KCNH8: variants seen among roughly 807,000 people sequenced by gnomAD.
The protein encoded by KCNH8 is voltage-gated delayed rectifier potassium channel KCNH8.
KCNH8 carries 70 observed loss-of-function variants against 103.6 expected under a neutral mutation model. That is an observed-to-expected ratio of 0.68 (90% CI 0.56 to 0.82). The LOEUF (loss-of-function observed/expected upper bound fraction) is 0.82, where lower values mean the gene tolerates loss of function less well. Ranked by LOEUF, KCNH8 falls within the 40% of genes least tolerant of loss-of-function variation. The probability of loss-of-function intolerance (pLI) is 0.00; values close to 1 mark genes in which losing one functional copy is unlikely to be tolerated. For synonymous variants in KCNH8, 498 were observed against 489.4 expected (o/e 1.02, Z -0.23); for missense variants, 1,217 against 1,329.9 (o/e 0.92, Z 1.32).
intron 3 of KCNH8, among the ~76,000 whole-genome samples, chr3:19,295,416 A>AAAT (rs1038196700): frequency 2.0e-5 from 3 of 150,160 alleles, no homozygotes; most frequent in Non-Finnish European, 4.5e-5. Flanking sequence ...ATAAATAAAT[A>AAAT]AATAAATAAG....
At chr3:19,428,463 A>G (rs1236186909) in intron 7 of KCNH8, among the ~76,000 whole-genome samples, 1 of 152,226 alleles carries the variant, frequency 6.6e-6, no homozygotes, top group Non-Finnish European at 1.5e-5. Flanking sequence ...GAATTAATAT[A>G]TAGGTTTTCA....
In KCNH8 at chr3:19,371,769, A is replaced by G. The variant is rs1162123361; in HGVS notation, c.812-18712A>G. On this transcript the variant is annotated intron_variant, in intron 5 of 15. Coordinates refer to ENST00000328405, the MANE Select transcript of KCNH8 (RefSeq NM_144633.3). ...GTCTAACGTTTAAAGTCTTTAATCCATGTTGAATTGATTTTTGTATAAGAT... is the reference window on the plus strand; with the variant it reads ...GTCTAACGTTTAAAGTCTTTAATCCGTGTTGAATTGATTTTTGTATAAGAT... Among the ~76,000 whole-genome samples, 9 of 151,046 alleles carry G rather than the reference A, an allele frequency of 6.0e-5. No individual in the cohort carries two copies. The East Asian group carries it at 1.2e-3, about 19-fold the overall frequency.
chr3:19,240,102 A>G (rs951865684), intron 1 of KCNH8, among the ~76,000 whole-genome samples: 1 of 152,120 alleles, frequency 6.6e-6, no homozygotes, highest in Non-Finnish European at 1.5e-5. Context: ...AGTTTCATCT[A>G]ATTTCATGAG....
intron 3 of KCNH8, among the ~76,000 whole-genome samples, chr3:19,296,703 G>A (rs958719827): frequency 4.6e-5 from 7 of 152,092 alleles, no homozygotes; most frequent in African/African-American, 1.7e-4. Flanking sequence ...GGAAAGGGTG[G>A]GAAGAGAGTG....
intron 5 of KCNH8, among the ~76,000 whole-genome samples, chr3:19,352,365 G>C (rs1200833834): frequency 6.6e-6 from 1 of 152,096 alleles, no homozygotes; most frequent in Non-Finnish European, 1.5e-5. Context: ...ATTGAACTCA[G>C]CTCTGCACCA....
intron 11 of KCNH8, among the ~76,000 whole-genome samples, chr3:19,461,322 G>C (rs766065009): frequency 1.6e-4 from 24 of 152,194 alleles, no homozygotes; most frequent in African/African-American, 5.8e-4. Context: ...GATAAGTTTG[G>C]ACCTCTGTTT....
intron 5 of KCNH8, among the ~76,000 whole-genome samples, chr3:19,360,533 A>G (rs1293961741): frequency 6.6e-6 from 1 of 152,094 alleles, no homozygotes; most frequent in African/African-American, 2.4e-5. Context: ...ACTGTGGCCA[A>G]CAGAGCCTAA....
Position 19,533,878 on chromosome 3 carries a change from T to G in KCNH8, c.3103T>G (p.Cys1035Gly), listed in dbSNP as rs1489248255. The G allele has an allele frequency of 2.5e-6, 4 of 1,614,204 alleles. No homozygotes were observed. Among genetic ancestry groups the G allele is most frequent in the Non-Finnish European group, 1.7e-6 (2 of 1,180,022 alleles). ...TTCAGCAACTCTCTCATCTTCTGTC[T>G]GCTCCTCTTCGGAAACATCTTTGCA... ...SISATLSSSV[C>G]SSSETSLHLV... The change falls in exon 16 of 16, where the codon TGC becomes GGC. Residue 1035 changes from cysteine (C) to glycine (G), a missense_variant. Around this residue, in one of 3 missense-constraint regions of KCNH8, gnomAD observed 558 missense variants for 495.8 expected, o/e 1.13. Transcript: ENST00000328405.
chr3:19,420,460 C>T (rs547248887), intron 7 of KCNH8, among the ~76,000 whole-genome samples: 30 of 152,126 alleles, frequency 2.0e-4, no homozygotes, highest in East Asian at 1.2e-3. Flanking sequence ...AGAGGGAGGG[C>T]GGTATTTCTA....
At chr3:19,505,235 A>G (rs1053987871) in intron 11 of KCNH8, among the ~76,000 whole-genome samples, 2 of 152,058 alleles carry the variant, frequency 1.3e-5, no homozygotes, top group South Asian at 2.1e-4. Flanking sequence ...TTTCTCACTT[A>G]TAAGTGGGAA....
intron 3 of KCNH8, among the ~76,000 whole-genome samples, chr3:19,320,125 C>G (rs894967712): frequency 3.3e-5 from 5 of 151,998 alleles, no homozygotes; most frequent in East Asian, 1.9e-4. Flanking sequence ...TTGACTTGCT[C>G]TTTACTGATT....
intron 11 of KCNH8, among the ~76,000 whole-genome samples, chr3:19,466,940 C>T (rs1045295067): frequency 1.3e-5 from 2 of 151,982 alleles, no homozygotes; most frequent in Admixed American, 6.6e-5. Context: ...GGATTACAGG[C>T]GTGAGCCACT....
intron 11 of KCNH8, among the ~76,000 whole-genome samples, chr3:19,457,498 A>G (rs931697495): frequency 2.6e-5 from 4 of 152,084 alleles, no homozygotes; most frequent in Admixed American, 1.3e-4. Flanking sequence ...TGAACATTTT[A>G]TGCAATTATA....
chr3:19,395,197 G>A lies in KCNH8; in HGVS notation c.1063G>A (p.Val355Ile), dbSNP rs1434905360. Reference sequence around the variant, plus strand: ...CCGCTATTCCCAACACAGTACTATCGTCCTGACTCTGCTCATGTCCATGTT... The same window carrying A: ...CCGCTATTCCCAACACAGTACTATCATCCTGACTCTGCTCATGTCCATGTT... ...LDRYSQHSTIVLTLLMSMFAL... is the reference protein window; with the variant it reads ...LDRYSQHSTIILTLLMSMFAL... The change falls in exon 7 of 16, where the codon GTC becomes ATC. Residue 355 changes from valine to isoleucine, a missense_variant. By Grantham distance (29) the Val-to-Ile change is conservative. Coordinates refer to ENST00000328405, the MANE Select transcript of KCNH8 (RefSeq NM_144633.3). 2 of 1,610,022 alleles carry A rather than the reference G, an allele frequency of 1.2e-6. No homozygotes were observed. The highest frequency in any genetic ancestry group is 1.7e-6 in the Non-Finnish European group (2 of 1,178,232).
At chr3:19,378,242 A>G (rs1473793331) in intron 5 of KCNH8, among the ~76,000 whole-genome samples, 1 of 152,200 alleles carries the variant, frequency 6.6e-6, no homozygotes, top group Non-Finnish European at 1.5e-5. Context: ...TTTCATTAGA[A>G]GAGCTCAGTC....
At chr3:19,197,478 A>G (rs1000177853) in intron 1 of KCNH8, among the ~76,000 whole-genome samples, 1 of 152,100 alleles carries the variant, frequency 6.6e-6, no homozygotes, top group Non-Finnish European at 1.5e-5. Flanking sequence ...GTCTGTTTAG[A>G]CATTTAGCAG....
intron 2 of KCNH8, among the ~76,000 whole-genome samples, chr3:19,263,322 A>T (rs1296297611): frequency 6.6e-6 from 1 of 152,120 alleles, no homozygotes; most frequent in Non-Finnish European, 1.5e-5. Flanking sequence ...TGTTCCAGTT[A>T]TGACAAACTA....
intron 1 of KCNH8, among the ~76,000 whole-genome samples, chr3:19,162,775 A>G (rs1406277643): frequency 6.6e-6 from 1 of 152,204 alleles, no homozygotes. Flanking sequence ...TTTTTATATT[A>G]CAAAAATGTT....
chr3:19,485,609 T>C (rs949428606), intron 11 of KCNH8, among the ~76,000 whole-genome samples: 9 of 152,344 alleles, frequency 5.9e-5, no homozygotes, highest in Middle Eastern at 3.4e-3. Flanking sequence ...TATCCTCCTT[T>C]TATTACTTGC....
Sources: allele counts gnomAD v4.1 joint callset (sites outside exome capture counted in the v4.1 genomes callset), GRCh38; gene constraint gnomAD v4.1.1; regional missense constraint gnomAD v4.1.1; transcripts MANE v1.5; gene names NCBI Gene and HGNC (gene_info 2026-07-23, HGNC 2026-07-21).